The following PGAP1 variants were observed in gnomAD, a reference collection of about 807,000 sequenced individuals.
The protein encoded by PGAP1 is GPI inositol-deacylase.
In PGAP1, 76 loss-of-function variants were observed where a neutral mutation model predicts 127.0. The ratio of observed to expected loss-of-function variants is 0.60; its 90% confidence interval spans 0.50 to 0.72. PGAP1 has a LOEUF of 0.72. PGAP1 is among the 30% of genes least tolerant of loss of function. The pLI, the probability that PGAP1 is intolerant of heterozygous loss-of-function variation, is 0.00. For missense variants in PGAP1, 982 were observed against 1,071.3 expected (o/e 0.92, Z 1.16); for synonymous variants, 362 against 366.5 (o/e 0.99, Z 0.14).
chr2:196,846,964 T>C, intron 22 of PGAP1, 39 bp downstream of exon 22: 1 of 1,493,644 alleles, frequency 6.7e-7, no homozygotes, highest in Non-Finnish European at 9.2e-7. Flanking sequence ...ATATTTCTTC[T>C]TAAAGCAATA....
intron 7 of PGAP1, among the ~76,000 whole-genome samples, chr2:196,895,221 A>G (rs186125743): frequency 2.0e-4 from 30 of 152,328 alleles, no homozygotes; most frequent in Admixed American, 5.9e-4. Flanking sequence ...ATTATAATTT[A>G]TTACATACTA....
chr2:196,873,056 A>G, intron 16 of PGAP1, 30 bp from the exon 17 acceptor site: 1 of 672,744 alleles, frequency 1.5e-6, no homozygotes, highest in Admixed American at 2.8e-5. Flanking sequence ...ATGTATTATT[A>G]ACAACATGTT....
At position 196,841,255 on chromosome 2, in the gene PGAP1, A is replaced by G; in HGVS notation, c.2748T>C (p.His916=). Residue 916 remains histidine (H), a synonymous_variant, in exon 27 of 27, where the codon CAT becomes CAC. Transcript: ENST00000354764. ...PCFVFIPLLL[H]ALCNFM is the part of the protein sequence containing the mutation. The stretch of plus-strand genomic sequence containing the variant: ...AATCTTACATAAAGTTGCATAATGC[A>G]TGGAGTAAAAGAGGAATGAAGACAA... 2.5e-6 allele frequency: 4 copies of G among 1,613,060 alleles called. No individual in the cohort carries two copies. Among genetic ancestry groups the G allele is most frequent in the Non-Finnish European group, 3.4e-6 (4 of 1,179,672 alleles).
At chr2:196,894,508 T>C (rs1225492239) in intron 7 of PGAP1, among the ~76,000 whole-genome samples, 2 of 152,282 alleles carry the variant, frequency 1.3e-5, no homozygotes, top group East Asian at 3.9e-4. Context: ...ACAGCCTGTC[T>C]ATCAAAACTT....
chr2:196,855,582 A>T (rs537086073), intron 20 of PGAP1, among the ~76,000 whole-genome samples: 4 of 152,270 alleles, frequency 2.6e-5, no homozygotes, highest in Non-Finnish European at 2.9e-5. Context: ...TATGACTTCT[A>T]TTTGAAATGT....
In PGAP1 at chr2:196,873,569, G is replaced by T. The variant is rs1230046820; in HGVS notation, c.1511C>A (p.Ala504Asp). Reference sequence around the variant, plus strand: ...CTTGCTTACCACGTTGATTTTAAAAGCTTGGTATATCTAATAGAGTTTGAC... The same window carrying T: ...CTTGCTTACCACGTTGATTTTAAAATCTTGGTATATCTAATAGAGTTTGAC... The part of the protein sequence containing the change: ...ELLNFGQIYQ[A>D]FKINVVSKCS... The change falls in exon 16 of 27, where the codon GCT (alanine) becomes GAT (aspartate). Residue 504 changes from alanine to aspartate, a missense_variant. Coordinates refer to ENST00000354764, the MANE Select transcript of PGAP1 (RefSeq NM_024989.4). The T allele has an allele frequency of 6.2e-7, 1 of 1,610,796 alleles. No individual in the cohort carries two copies. Among genetic ancestry groups the T allele is most frequent in the Non-Finnish European group, 8.5e-7 (1 of 1,178,170 alleles).
chr2:196,862,729 G>A (rs1021642996), intron 20 of PGAP1, among the ~76,000 whole-genome samples: 1 of 152,086 alleles, frequency 6.6e-6, no homozygotes, highest in Admixed American at 6.6e-5. Flanking sequence ...TGACTATCGG[G>A]GCAGGTTCCC....
At chr2:196,905,661 G>A (rs1270567163) in intron 4 of PGAP1, among the ~76,000 whole-genome samples, 1 of 151,744 alleles carries the variant, frequency 6.6e-6, no homozygotes, top group East Asian at 1.9e-4. Flanking sequence ...GCAGAAGACG[G>A]GTGATTTCTG....
chr2:196,852,331 A>T (rs1024622590), intron 20 of PGAP1, among the ~76,000 whole-genome samples: 2 of 152,114 alleles, frequency 1.3e-5, no homozygotes, highest in Non-Finnish European at 2.9e-5. Context: ...CATACAAATT[A>T]TATACTAATT....
chr2:196,854,494 T>C (rs183207284), intron 20 of PGAP1, among the ~76,000 whole-genome samples: 31 of 152,340 alleles, frequency 2.0e-4, no homozygotes, highest in Middle Eastern at 6.8e-3. Flanking sequence ...TGTATGGATA[T>C]GTTATTGATG....
At chr2:196,879,574 A>G (rs1701668366) in intron 13 of PGAP1, among the ~76,000 whole-genome samples, 1 of 152,170 alleles carries the variant, frequency 6.6e-6, no homozygotes, top group Non-Finnish European at 1.5e-5. Flanking sequence ...ATGCGCCTGT[A>G]GTCCCAGCTA....
In PGAP1 at chr2:196,916,578, G is replaced by C. The variant is rs1375380714; in HGVS notation, c.317C>G (p.Ser106Cys). The change falls in exon 3 of 27, where the codon TCC becomes TGC. Residue 106 changes from serine to cysteine, a missense_variant. Coordinates refer to ENST00000354764, the MANE Select transcript of PGAP1 (RefSeq NM_024989.4). ...GTCCTCTGCTTTTCTAAGTGCAATG[G>C]AGCCAATAGAACGAACTGCAGAGGA... ...GSYKQVRSIGSIALRKAEDID... is the reference protein window; with the variant it reads ...GSYKQVRSIGCIALRKAEDID... The C allele has an allele frequency of 6.2e-7, 1 of 1,609,978 alleles. No homozygotes were observed. Among genetic ancestry groups the C allele is most frequent in the Admixed American group, 1.7e-5 (1 of 59,258 alleles).
intron 8 of PGAP1, among the ~76,000 whole-genome samples, chr2:196,892,743 A>C (rs988054621): frequency 3.9e-5 from 6 of 152,146 alleles, no homozygotes; most frequent in African/African-American, 1.4e-4. Flanking sequence ...TATTTTGTTA[A>C]AAGCAAAATT....
chr2:196,866,669 T>C (rs1384527815), intron 19 of PGAP1, among the ~76,000 whole-genome samples: 2 of 151,970 alleles, frequency 1.3e-5, no homozygotes, highest in Non-Finnish European at 1.5e-5. Context: ...GAAACTATCA[T>C]CAGAGTGAAC....
chr2:196,860,255 G>C (rs1285302694), intron 20 of PGAP1, among the ~76,000 whole-genome samples: 1 of 152,108 alleles, frequency 6.6e-6, no homozygotes, highest in African/African-American at 2.4e-5. Flanking sequence ...AAGAGGGCTG[G>C]GCGCAGTGGC....
Position 196,833,794 on chromosome 2 carries a change from T to A in PGAP1, c.*7440A>T, listed in dbSNP as rs1294731917. The A allele has an allele frequency of 6.6e-6, 1 of 152,120 alleles. No homozygotes were observed. Among genetic ancestry groups the A allele is most frequent in the East Asian group, 1.9e-4 (1 of 5,206 alleles). 9.4% of individuals were successfully genotyped at this position (152,120 alleles called of 1,614,324 possible). On this transcript the variant is annotated 3_prime_UTR_variant, in exon 27 of 27. Transcript: ENST00000354764. The stretch of plus-strand genomic sequence containing the variant: ...GGGCATCTTTTATCAGAGACCATGA[T>A]TATCCTGTGAATAAAATAATTTGGA...
rs1700252013 is a variant in PGAP1 at position 196,836,889 on chromosome 2, T to C, written c.*4345A>G. 1 of 152,218 alleles carries C rather than the reference T, an allele frequency of 6.6e-6. No homozygotes were observed. 9.4% of individuals were successfully genotyped at this position (152,218 alleles called of 1,614,324 possible). On this transcript the variant is annotated 3_prime_UTR_variant, in exon 27 of 27. Coordinates refer to ENST00000354764, the MANE Select transcript of PGAP1 (RefSeq NM_024989.4). ...TCCCCAGTAAATTTTACAAAGTATCTTGTTTCCTGTAATATACAAGTTCAC... is the reference window on the plus strand; with the variant it reads ...TCCCCAGTAAATTTTACAAAGTATCCTGTTTCCTGTAATATACAAGTTCAC...
At chr2:196,924,462 G>A (rs1170075089) in intron 1 of PGAP1, among the ~76,000 whole-genome samples, 3 of 152,120 alleles carry the variant, frequency 2.0e-5, no homozygotes, top group Non-Finnish European at 2.9e-5. Context: ...TGTTCAAAAT[G>A]ACTCATTTCT....
rs923695836 is a variant in PGAP1, at chr2:196,922,429, A to T, written c.148-2279T>A. ...AGAGGTCTCAGTAAGGCCTTTGCTC[A>T]CCATCCCCCATAAGAATAGTTATAG... On this transcript the variant is annotated intron_variant, in intron 1 of 26. Coordinates refer to ENST00000354764, the MANE Select transcript of PGAP1 (RefSeq NM_024989.4). 54 of 983,868 alleles carry T rather than the reference A, an allele frequency of 5.5e-5. No individual in the cohort carries two copies. The African/African-American group carries it at 8.4e-4, about 15-fold the overall frequency. 60.9% of individuals were successfully genotyped at this position (983,868 alleles called of 1,614,324 possible). A position where few individuals can be genotyped will look rare whatever the true frequency, so the allele number is the denominator to read the frequency against.
Sources: allele counts gnomAD v4.1 joint callset (sites outside exome capture counted in the v4.1 genomes callset), GRCh38; gene constraint gnomAD v4.1.1; transcripts MANE v1.5; gene names NCBI Gene and HGNC (gene_info 2026-07-23, HGNC 2026-07-21).